LIPA: variants seen among roughly 807,000 people sequenced by gnomAD.
The protein encoded by LIPA is lipase A, lysosomal acid type.
Under a neutral mutation model 40.6 loss-of-function variants are expected in LIPA, and 26 were observed. That is an observed-to-expected ratio of 0.64 (90% CI 0.47 to 0.89). The LOEUF is 0.89. Ranked by LOEUF, LIPA falls within the 40% of genes least tolerant of loss-of-function variation. LIPA has a pLI of 0.00. For synonymous variants in LIPA, 188 were observed against 168.4 expected (o/e 1.12, Z -0.90); for missense variants, 455 against 479.6 (o/e 0.95, Z 0.48).
At chr10:89,315,256 C>T (rs749151513) in intron 1 of LIPA, among the ~76,000 whole-genome samples, 1 of 152,176 alleles carries the variant, frequency 6.6e-6, no homozygotes, top group Non-Finnish European at 1.5e-5. Context: ...AATATATGTA[C>T]CTTTTATAAA....
intron 8 of LIPA, among the ~76,000 whole-genome samples, chr10:89,216,610 CACCT>C (rs1430120039): frequency 1.3e-5 from 2 of 151,894 alleles, no homozygotes; most frequent in Non-Finnish European, 2.9e-5. Context: ...AACAGTGTAA[CACCT>C]ACTTACATAG....
chr10:89,326,377 A>AGCT lies in LIPA; in HGVS notation c.-2+16233_-2+16234insAGC, dbSNP rs774207166. Among the ~76,000 whole-genome samples the AGCT allele has an allele frequency of 6.7e-3, 1,022 of 152,350 alleles. 15 individuals carry two copies. Among genetic ancestry groups the AGCT allele is most frequent in the East Asian group, 0.051 (264 of 5,188 alleles). On this transcript the variant is annotated intron_variant, in intron 1 of 5. Transcript: ENST00000282673. ...ATATTCTCACTTGTTTGTGGAAGCT[A>AGCT]AAAATATTAAGACAATTGAACTTAT... is the stretch of plus-strand genomic sequence containing the variant.
intron 3 of LIPA, 138 bp downstream of exon 3, chr10:89,245,538 G>T: frequency 1.4e-6 from 1 of 697,034 alleles, no homozygotes; most frequent in East Asian, 2.5e-5. Context: ...ATTTTTCTTT[G>T]CCTTGCAAAC....
Position 89,228,363 on chromosome 10 carries a change from G to A in LIPA, c.265C>T (p.Leu89=), listed in dbSNP as rs1359982254. ...GTGACCCAGTTACTAGAATCTGCCA[G>A]CAAGCCATGTTGCAGGAAGACAACT... The part of the protein sequence containing the change: ...KPVVFLQHGL[L]ADSSNWVTNL... The change falls in exon 4 of 10, where the codon CTG becomes TTG. Residue 89 remains leucine, a synonymous_variant. Coordinates refer to ENST00000336233, the MANE Select transcript of LIPA (RefSeq NM_000235.4). The A allele has an allele frequency of 5.6e-6, 9 of 1,614,088 alleles. No individual in the cohort carries two copies. In the African/African-American group the frequency reaches 1.2e-4, roughly 22 times the overall value.
chr10:89,286,247 C>T (rs1004126238), intron 1 of LIPA, among the ~76,000 whole-genome samples: 1 of 152,116 alleles, frequency 6.6e-6, no homozygotes, highest in African/African-American at 2.4e-5. Flanking sequence ...TTCCCTCCTG[C>T]CTGTCCCCTC....
chr10:89,258,238 C>G (rs184248005), intron 1 of LIPA, among the ~76,000 whole-genome samples: 2 of 152,050 alleles, frequency 1.3e-5, no homozygotes, highest in South Asian at 4.2e-4. Context: ...TAGCTATATG[C>G]AAAACAATGA....
chr10:89,315,466 A>G (rs1843536562), intron 1 of LIPA, among the ~76,000 whole-genome samples: 1 of 152,196 alleles, frequency 6.6e-6, no homozygotes, highest in South Asian at 2.1e-4. Flanking sequence ...GTGCAGCTAC[A>G]GGATGGAGGA....
intron 2 of LIPA, among the ~76,000 whole-genome samples, chr10:89,358,594 A>G (rs1275831817): frequency 6.6e-6 from 1 of 152,224 alleles, no homozygotes; most frequent in Non-Finnish European, 1.5e-5. Flanking sequence ...TTCAACTATA[A>G]AAAAGAATGA....
chr10:89,283,230 G>T (rs1184054638), intron 1 of LIPA, among the ~76,000 whole-genome samples: 1 of 152,140 alleles, frequency 6.6e-6, no homozygotes, highest in Non-Finnish European at 1.5e-5. Context: ...TAAGGCAAAT[G>T]CTGGGCTGTA....
intron 1 of LIPA, among the ~76,000 whole-genome samples, chr10:89,299,212 A>C (rs754223092): frequency 1.3e-5 from 2 of 151,812 alleles, no homozygotes; most frequent in Non-Finnish European, 2.9e-5. Context: ...CAAAATATAC[A>C]AGAAGCTTCA....
chr10:89,340,841 C>G (rs1441369802), intron 1 of LIPA: 1 of 152,174 alleles, frequency 6.6e-6, no homozygotes, highest in African/African-American at 2.4e-5. Context: ...TTGACTAACC[C>G]TGGAATATCT....
rs1221511910 is a variant in LIPA at position 89,226,853 on chromosome 10, T to C, written c.538+42A>G. On this transcript the variant is annotated intron_variant, in intron 5 of 9. Coordinates refer to ENST00000336233, the MANE Select transcript of LIPA (RefSeq NM_000235.4). ...TTTAAGAAAAGTACAAACTCTGTAA[T>C]GAAGAATTTATATCAACTTCTGATC... is the stretch of plus-strand genomic sequence containing the variant. 8 of 1,145,420 alleles carry C rather than the reference T, an allele frequency of 7.0e-6. No individual in the cohort carries two copies. In the African/African-American group the frequency reaches 9.1e-5, roughly 13 times the overall value. The allele number at this position is 1,145,420 out of a possible 1,614,324, so 71.0% of individuals were successfully genotyped here.
intron 1 of LIPA, among the ~76,000 whole-genome samples, chr10:89,318,493 A>G (rs963720617): frequency 1.3e-5 from 2 of 152,242 alleles, no homozygotes; most frequent in East Asian, 3.8e-4. Context: ...TAAAGGGATC[A>G]ATTCAACAAG....
chr10:89,403,756 C>A, intron 2 of LIPA: 1 of 982,870 alleles, frequency 1.0e-6, no homozygotes, highest in Non-Finnish European at 1.5e-6. Flanking sequence ...TCATTTTATG[C>A]TAACATTTAC....
At chr10:89,363,759 AG>A (rs1467551262) in intron 2 of LIPA, among the ~76,000 whole-genome samples, 4 of 124,210 alleles carry the variant, frequency 3.2e-5, no homozygotes, top group African/African-American at 1.3e-4. Context: ...CCTGGGCAAC[AG>A]AGCCAGACTC....
chr10:89,262,062 T>A (rs1394820973), intron 1 of LIPA, among the ~76,000 whole-genome samples: 1 of 152,218 alleles, frequency 6.6e-6, no homozygotes, highest in Non-Finnish European at 1.5e-5. Flanking sequence ...CAATGCTTAC[T>A]GCTGGCTTCT....
At chr10:89,306,007 A>G (rs1440366816) in intron 1 of LIPA, 4 of 1,613,952 alleles carry the variant, frequency 2.5e-6, no homozygotes, top group Non-Finnish European at 3.4e-6. Context: ...GGCAACTAAA[A>G]TGCCATTTCA....
At chr10:89,244,063 A>G (rs1361306596) in intron 3 of LIPA, among the ~76,000 whole-genome samples, 9 of 152,304 alleles carry the variant, frequency 5.9e-5, no homozygotes, top group African/African-American at 2.2e-4. Context: ...AGCACAGGAA[A>G]AACTAAAAGC....
intron 9 of LIPA, 100 bp downstream of exon 9, chr10:89,215,838 T>C: frequency 1.2e-6 from 1 of 821,214 alleles, no homozygotes; most frequent in African/African-American, 1.7e-5. Context: ...CTGCAAACAT[T>C]TCCCACAGCA....
Sources: gnomAD v4.1 joint callset for allele counts (sites outside exome capture counted in the v4.1 genomes callset) on GRCh38, gnomAD v4.1.1 for gene constraint, MANE v1.5 for transcripts, NCBI Gene and HGNC (gene_info 2026-07-23, HGNC 2026-07-21) for gene names.